Variants in HS3ST4 observed in about 807,000 individuals in gnomAD.
HS3ST4 encodes the protein heparan sulfate glucosamine 3-O-sulfotransferase 4.
HS3ST4 carries 17 observed loss-of-function variants against 29.2 expected under a neutral mutation model. That is an observed-to-expected ratio of 0.58 (90% CI 0.40 to 0.87). HS3ST4 has a LOEUF of 0.87. Ranked by LOEUF, HS3ST4 falls within the 40% of genes least tolerant of loss-of-function variation. HS3ST4 has a pLI of 0.00. For synonymous variants in HS3ST4, 314 were observed against 285.7 expected (o/e 1.10, Z -1.00); for missense variants, 627 against 634.5 (o/e 0.99, Z 0.13).
At chr16:25,882,935 C>T (rs541880509) in intron 1 of HS3ST4, among the ~76,000 whole-genome samples, 1 of 152,290 alleles carries the variant, frequency 6.6e-6, no homozygotes, top group African/African-American at 2.4e-5. Context: ...TCCTGTTCTA[C>T]TGCTCTGACC....
intron 1 of HS3ST4, among the ~76,000 whole-genome samples, chr16:26,100,687 C>T (rs1410057111): frequency 6.6e-6 from 1 of 152,154 alleles, no homozygotes; most frequent in East Asian, 1.9e-4. Flanking sequence ...CATTATTTTT[C>T]ATGCCTCACA....
At chr16:25,898,806 A>G (rs1348807549) in intron 1 of HS3ST4, among the ~76,000 whole-genome samples, 1 of 152,250 alleles carries the variant, frequency 6.6e-6, no homozygotes, top group African/African-American at 2.4e-5. Context: ...TGTTGAAGAT[A>G]GAGCAACACC....
intron 1 of HS3ST4, among the ~76,000 whole-genome samples, chr16:25,812,910 C>G (rs1967056492): frequency 6.6e-6 from 1 of 152,084 alleles, no homozygotes. Flanking sequence ...TTTTAAGGTA[C>G]AAGAGATTCA....
At chr16:26,035,745 A>G (rs1969577048) in intron 1 of HS3ST4, among the ~76,000 whole-genome samples, 1 of 152,206 alleles carries the variant, frequency 6.6e-6, no homozygotes, top group Non-Finnish European at 1.5e-5. Context: ...CACTGCAGCC[A>G]GAGGAATGTT....
At chr16:25,753,967 T>G (rs1490428645) in intron 1 of HS3ST4, among the ~76,000 whole-genome samples, 1 of 152,100 alleles carries the variant, frequency 6.6e-6, no homozygotes, top group African/African-American at 2.4e-5. Flanking sequence ...AATAAACAGG[T>G]AAACAGAAAT....
chr16:25,916,524 G>A (rs1010729127), intron 1 of HS3ST4, among the ~76,000 whole-genome samples: 2 of 151,680 alleles, frequency 1.3e-5, no homozygotes, highest in Non-Finnish European at 2.9e-5. Context: ...CAACACGCCC[G>A]GCTACTTTTG....
At chr16:26,047,079 A>G (rs990707900) in intron 1 of HS3ST4, among the ~76,000 whole-genome samples, 1 of 152,240 alleles carries the variant, frequency 6.6e-6, no homozygotes, top group African/African-American at 2.4e-5. Context: ...AAAATAATAC[A>G]TGATTGCTGT....
Position 26,069,208 on chromosome 16 carries a change from T to C in HS3ST4, c.735-66404T>C, listed in dbSNP as rs998335351. The stretch of plus-strand genomic sequence containing the variant: ...CTCAAGTGATACAACTGCCTCAGCC[T>C]CCCAAAGTGCTGAAATTATAGGCAT... On this transcript the variant is annotated intron_variant, in intron 1 of 1. Coordinates refer to ENST00000331351, the MANE Select transcript of HS3ST4 (RefSeq NM_006040.3). Among the ~76,000 whole-genome samples the C allele has an allele frequency of 2.0e-5, 3 of 152,318 alleles. No individual in the cohort carries two copies. In the East Asian group the frequency reaches 5.8e-4, roughly 29 times the overall value.
At chr16:25,937,133 CT>C (rs1045421932) in intron 1 of HS3ST4, among the ~76,000 whole-genome samples, 85 of 144,408 alleles carry the variant, frequency 5.9e-4, no homozygotes, top group Middle Eastern at 3.5e-3. Flanking sequence ...GGGACTTTTT[CT>C]TTTTTTTTTT....
At chr16:25,765,605 G>A (rs574203418) in intron 1 of HS3ST4, among the ~76,000 whole-genome samples, 2 of 152,242 alleles carry the variant, frequency 1.3e-5, no homozygotes, top group South Asian at 2.1e-4. Flanking sequence ...GACAATCTCG[G>A]AGCCTCTTTT....
chr16:25,969,510 A>C (rs2141705684), intron 1 of HS3ST4, among the ~76,000 whole-genome samples: 1 of 152,344 alleles, frequency 6.6e-6, no homozygotes. Context: ...CGAAACAGTC[A>C]GTGAACATCA....
chr16:25,976,958 T>C (rs1968950687), intron 1 of HS3ST4, among the ~76,000 whole-genome samples: 1 of 152,136 alleles, frequency 6.6e-6, no homozygotes, highest in Admixed American at 6.5e-5. Flanking sequence ...TTTTACAAAA[T>C]GTTTAAACTA....
intron 1 of HS3ST4, among the ~76,000 whole-genome samples, chr16:25,837,485 A>C (rs9923400): frequency 0.015 from 2,209 of 152,328 alleles, 52 homozygotes; most frequent in African/African-American, 0.049. Context: ...GAGAGCAGAG[A>C]ATAAGAACGC....
chr16:26,081,273 G>A (rs932528714), intron 1 of HS3ST4, among the ~76,000 whole-genome samples: 21 of 139,306 alleles, frequency 1.5e-4, no homozygotes, highest in Middle Eastern at 3.6e-3. Flanking sequence ...GGCAATGGGA[G>A]TGAAATCCTG....
At chr16:25,771,586 C>T (rs1285484446) in intron 1 of HS3ST4, among the ~76,000 whole-genome samples, 1 of 152,052 alleles carries the variant, frequency 6.6e-6, no homozygotes, top group Admixed American at 6.5e-5. Context: ...GTGGAAAGAA[C>T]GGGTTGCTTT....
In HS3ST4 at chr16:25,692,690, C is replaced by T. The variant is rs1966262946; in HGVS notation, c.273C>T (p.Leu91=). The T allele has an allele frequency of 1.6e-6, 2 of 1,231,376 alleles. No individual in the cohort carries two copies. Among genetic ancestry groups the T allele is most frequent in the Non-Finnish European group, 2.0e-6 (2 of 989,734 alleles). The allele number at this position is 1,231,376 out of a possible 1,614,324, so 76.3% of individuals were successfully genotyped here. A position where few individuals can be genotyped will look rare whatever the true frequency, so the allele number is the denominator to read the frequency against. Residue 91 remains leucine (L), a synonymous_variant, in exon 1 of 2, where the codon CTC becomes CTT. Coordinates refer to ENST00000331351, the MANE Select transcript of HS3ST4 (RefSeq NM_006040.3). ...CTCTGCTGCCTACCCCCGTGCGCCT[C>T]GGCGCCCCCTCGCAGCCGCCCGCGC... The part of the protein sequence containing the change: ...PPSLLPTPVR[L]GAPSQPPAPP...
At chr16:26,071,998 A>G (rs1183347050) in intron 1 of HS3ST4, among the ~76,000 whole-genome samples, 4 of 152,084 alleles carry the variant, frequency 2.6e-5, no homozygotes, top group Non-Finnish European at 1.5e-5. Flanking sequence ...GGCCCTTCAC[A>G]TCTATGAAGT....
chr16:25,738,211 G>A (rs1208048972), intron 1 of HS3ST4, among the ~76,000 whole-genome samples: 1 of 152,118 alleles, frequency 6.6e-6, no homozygotes, highest in Non-Finnish European at 1.5e-5. Flanking sequence ...GCCGATACCT[G>A]TAGCTTCTAT....
At position 25,758,543 on chromosome 16, in the gene HS3ST4, CTTCAGAAATGGATAG is replaced by C. The variant is rs376088650; in HGVS notation, c.734+65397_734+65411del. The stretch of plus-strand genomic sequence containing the variant: ...GCCTGGGCTTTCTCATTTATCTGAA[CTTCAGAAATGGATAG>C]TTCATTGACTGATCCCCATCCTCTA... On this transcript the variant is annotated intron_variant, in intron 1 of 1. Transcript: ENST00000331351. Among the ~76,000 whole-genome samples, 378 of 152,250 alleles carry C rather than the reference CTTCAGAAATGGATAG, an allele frequency of 2.5e-3. 2 individuals carry two copies. The highest frequency in any genetic ancestry group is 8.7e-3 in the African/African-American group (362 of 41,538).
Sources: allele counts gnomAD v4.1 joint callset (sites outside exome capture counted in the v4.1 genomes callset), GRCh38; gene constraint gnomAD v4.1.1; transcripts MANE v1.5; gene names NCBI Gene and HGNC (gene_info 2026-07-23, HGNC 2026-07-21).